Variants in WHRN observed in about 807,000 individuals in gnomAD.
WHRN encodes CASK-interacting protein CIP98.
A neutral mutation model predicts 68.3 loss-of-function variants in WHRN; 41 were observed. The ratio of observed to expected loss-of-function variants is 0.60; its 90% CI spans 0.47 to 0.78. The LOEUF (loss-of-function observed/expected upper bound fraction) is 0.78, where lower values mean the gene tolerates loss of function less well. WHRN is among the 30% of genes least tolerant of loss of function. The pLI is 0.00. For missense variants in WHRN, 1,243 were observed against 1,244.7 expected (o/e 1.00, Z 0.02); for synonymous variants, 560 against 561.3 (o/e 1.00, Z 0.03).
chr9:114,433,703 A>G (rs1837610288), intron 3 of WHRN, among the ~76,000 whole-genome samples: 2 of 152,220 alleles, frequency 1.3e-5, no homozygotes, highest in Non-Finnish European at 1.5e-5. Flanking sequence ...AAGAAAATAA[A>G]AAGATGCAGG....
chr9:114,491,564 G>A (rs1337301177), intron 1 of WHRN: 1 of 185,746 alleles, frequency 5.4e-6, no homozygotes. Flanking sequence ...CCATCACCAT[G>A]ACCTGTGGTA....
chr9:114,451,809 C>T (rs1839362506), intron 3 of WHRN, among the ~76,000 whole-genome samples: 1 of 152,230 alleles, frequency 6.6e-6, no homozygotes, highest in Non-Finnish European at 1.5e-5. Flanking sequence ...GCTAGACCCA[C>T]CTGGGTTTGA....
chr9:114,425,105 C>T (rs1165343035), intron 4 of WHRN, 81 bp from the exon 5 acceptor site: 7 of 1,407,668 alleles, frequency 5.0e-6, no homozygotes, highest in Non-Finnish European at 6.0e-6. Context: ...TGACTTGGGG[C>T]AGGAAGAGCA....
At chr9:114,414,635 A>G (rs546917726) in intron 7 of WHRN, among the ~76,000 whole-genome samples, 1 of 152,312 alleles carries the variant, frequency 6.6e-6, no homozygotes, top group African/African-American at 2.4e-5. Flanking sequence ...AGCAATCCCA[A>G]GTTGTCACAG....
intron 7 of WHRN, among the ~76,000 whole-genome samples, chr9:114,421,613 G>A (rs998269997): frequency 6.6e-6 from 1 of 152,220 alleles, no homozygotes; most frequent in African/African-American, 2.4e-5. Flanking sequence ...CCAGGTTTTA[G>A]AGCAGTGGCT....
Position 114,426,308 on chromosome 9 carries a change from T to C in WHRN, c.1069A>G (p.Lys357Glu), listed in dbSNP as rs148591678. ...GCATGGGGCAGCCTCCCGACGTCCTTCACTGTCAGGATGAGGTGCCGAGAT... is the reference window on the plus strand; with the variant it reads ...GCATGGGGCAGCCTCCCGACGTCCTCCACTGTCAGGATGAGGTGCCGAGAT... ...KSSRHLILTVKDVGRLPHART... is the reference protein window; with the variant it reads ...KSSRHLILTVEDVGRLPHART... Residue 357 changes from lysine to glutamate, a missense_variant, in exon 4 of 12, where the codon AAG (lysine) becomes GAG (glutamate). Lys to Glu is a moderately conservative substitution (Grantham distance 56). Transcript: ENST00000362057. 3.1e-6 allele frequency: 5 copies of C among 1,613,766 alleles called. No individual in the cohort carries two copies. In the African/African-American group the frequency reaches 4.0e-5, roughly 13 times the overall value.
At chr9:114,448,727 C>T (rs1280267376) in intron 3 of WHRN, among the ~76,000 whole-genome samples, 1 of 152,204 alleles carries the variant, frequency 6.6e-6, no homozygotes, top group Non-Finnish European at 1.5e-5. Context: ...GCACTAGGGC[C>T]TCCAGCCCAT....
chr9:114,466,503 G>T (rs1478089459), intron 2 of WHRN, 111 bp from the exon 3 acceptor site: 1 of 1,501,290 alleles, frequency 6.7e-7, no homozygotes, highest in Non-Finnish European at 9.2e-7. Context: ...TATCCGACTG[G>T]CAAGGAGGCC....
At chr9:114,435,225 T>C (rs1837750983) in intron 3 of WHRN, among the ~76,000 whole-genome samples, 1 of 152,158 alleles carries the variant, frequency 6.6e-6, no homozygotes, top group Admixed American at 6.5e-5. Flanking sequence ...CTGCACCCCC[T>C]TGAATGGCAC....
chr9:114,478,523 A>G, intron 2 of WHRN, 30 bp downstream of exon 2: 1 of 1,611,772 alleles, frequency 6.2e-7, no homozygotes, highest in Non-Finnish European at 8.5e-7. Flanking sequence ...GGTGTCTGAG[A>G]GGCTGGCCTC....
intron 2 of WHRN, among the ~76,000 whole-genome samples, chr9:114,473,734 T>C (rs1346634604): frequency 6.6e-6 from 1 of 152,146 alleles, no homozygotes; most frequent in Non-Finnish European, 1.5e-5. Flanking sequence ...AAGTGTGGTA[T>C]GTGGAAGCAA....
intron 7 of WHRN, among the ~76,000 whole-genome samples, chr9:114,409,549 C>T (rs1835281430): frequency 6.6e-6 from 1 of 152,174 alleles, no homozygotes; most frequent in Non-Finnish European, 1.5e-5. Context: ...AAGCATGGAG[C>T]TCTTGCACTT....
chr9:114,469,550 G>A (rs1216718375), intron 2 of WHRN, among the ~76,000 whole-genome samples: 1 of 152,224 alleles, frequency 6.6e-6, no homozygotes, highest in Admixed American at 6.5e-5. Flanking sequence ...TCTGTGGCTA[G>A]TGGCTGATGG....
chr9:114,452,841 T>C (rs1474359465), intron 3 of WHRN, among the ~76,000 whole-genome samples: 1 of 152,078 alleles, frequency 6.6e-6, no homozygotes, highest in Non-Finnish European at 1.5e-5. Context: ...CACATGGGGA[T>C]GCTGAGGGCC....
chr9:114,416,143 C>T (rs546782055), intron 7 of WHRN, among the ~76,000 whole-genome samples: 2 of 152,236 alleles, frequency 1.3e-5, no homozygotes, highest in East Asian at 3.9e-4. Flanking sequence ...GATCCTGTCC[C>T]CAGCATCCTT....
chr9:114,448,266 C>T (rs572310419), intron 3 of WHRN, among the ~76,000 whole-genome samples: 53 of 152,226 alleles, frequency 3.5e-4, no homozygotes, highest in African/African-American at 1.3e-3. Flanking sequence ...GGGAAGAACA[C>T]ACGAAGACAG....
At position 114,442,232 on chromosome 9, in the gene WHRN, G is replaced by C. The variant is rs79161948; in HGVS notation, c.964-15819C>G. Among the ~76,000 whole-genome samples, 874 of 152,322 alleles carry C rather than the reference G, an allele frequency of 5.7e-3. 8 individuals carry two copies. Among genetic ancestry groups the C allele is most frequent in the African/African-American group, 0.02 (820 of 41,572 alleles). Reference sequence around the variant, plus strand: ...TTGGCTCCTGGACTGGGAGCAGAAAGAATTGCTACAAGAGGACATTATTGG... The same window carrying C: ...TTGGCTCCTGGACTGGGAGCAGAAACAATTGCTACAAGAGGACATTATTGG... On this transcript the variant is annotated intron_variant, in intron 3 of 11. Transcript: ENST00000362057.
intron 1 of WHRN, among the ~76,000 whole-genome samples, chr9:114,482,039 A>G (rs1842132350): frequency 6.6e-6 from 1 of 152,208 alleles, no homozygotes; most frequent in Non-Finnish European, 1.5e-5. Context: ...GGTGAGGGAT[A>G]TAGCATTGTC....
chr9:114,495,059 T>C (rs992186128), intron 1 of WHRN, among the ~76,000 whole-genome samples: 3 of 151,638 alleles, frequency 2.0e-5, no homozygotes, highest in East Asian at 1.9e-4. Flanking sequence ...TGTCAACAGG[T>C]GGAGAGAGTG....
Sources: gnomAD v4.1 joint callset for allele counts (sites outside exome capture counted in the v4.1 genomes callset) on GRCh38, gnomAD v4.1.1 for gene constraint, MANE v1.5 for transcripts, NCBI Gene and HGNC (gene_info 2026-07-23, HGNC 2026-07-21) for gene names.